The following NCAN variants were observed in gnomAD, a reference collection of about 807,000 sequenced individuals.
The protein encoded by NCAN is neurocan core protein.
A neutral mutation model predicts 121.8 loss-of-function variants in NCAN; 47 were observed. The ratio of observed to expected loss-of-function variants is 0.39; its 90% CI spans 0.31 to 0.49. NCAN has a LOEUF of 0.49. NCAN is among the 20% of genes least tolerant of loss of function. The pLI is 0.92. For missense variants in NCAN, 1,517 were observed against 1,773.4 expected (o/e 0.86, Z 2.60); for synonymous variants, 633 against 702.0 (o/e 0.90, Z 1.55).
chr19:19,213,648 G>C (rs2060784434), intron 1 of NCAN, among the ~76,000 whole-genome samples: 1 of 152,064 alleles, frequency 6.6e-6, no homozygotes, highest in Admixed American at 6.6e-5. Context: ...TCTGTGTCTG[G>C]GGTGCGTGGC....
chr19:19,245,292 C>A, intron 12 of NCAN, 21 bp from the exon 13 acceptor site: 1 of 1,612,942 alleles, frequency 6.2e-7, no homozygotes, highest in Non-Finnish European at 8.5e-7. Context: ...CTGAACAACT[C>A]CCTGCCCCCT....
chr19:19,227,409 C>A lies in NCAN; in HGVS notation c.1789C>A (p.Pro597Thr), dbSNP rs762403187. 2 of 1,613,692 alleles carry A rather than the reference C, an allele frequency of 1.2e-6. No individual in the cohort carries two copies. The change falls in exon 8 of 15, where the codon CCA becomes ACA. Residue 597 changes from proline to threonine, a missense_variant. Transcript: ENST00000252575. This position sits in a 1 kb window ranked among gnomAD's most constrained non-coding sequence, Gnocchi z 4.2. ...GAAAGCCGAGGGCCCCAGTGCCAGG[C>A]CAGCCACCCCAGACCTGTTTTGGTC... is the stretch of plus-strand genomic sequence containing the variant. ...LEKAEGPSAR[P>T]ATPDLFWSPL...
At chr19:19,229,533 C>T (rs1359126739) in intron 8 of NCAN, among the ~76,000 whole-genome samples, 1 of 152,178 alleles carries the variant, frequency 6.6e-6, no homozygotes, top group Non-Finnish European at 1.5e-5. Flanking sequence ...GAGAATCACC[C>T]CCATTCTACA....
chr19:19,213,010 G>A (rs1490855499), intron 1 of NCAN, among the ~76,000 whole-genome samples: 1 of 151,710 alleles, frequency 6.6e-6, no homozygotes, highest in Non-Finnish European at 1.5e-5. Flanking sequence ...TGGGAAGTAA[G>A]GGCCCTGTCT....
chr19:19,222,282 CTT>C (rs1025290793), intron 3 of NCAN, among the ~76,000 whole-genome samples: 4 of 152,042 alleles, frequency 2.6e-5, no homozygotes, highest in Admixed American at 6.6e-5. Context: ...CAGCCAAACT[CTT>C]TTTGTTGTTG....
intron 2 of NCAN, among the ~76,000 whole-genome samples, chr19:19,218,057 T>G (rs116953692): frequency 0.045 from 6,878 of 151,262 alleles, 241 homozygotes; most frequent in East Asian, 0.13. Context: ...GGTAGGTGGA[T>G]CAGTTGAGGT....
Position 19,223,981 on chromosome 19 carries a change from A to C in NCAN, c.476-40A>C, listed in dbSNP as rs1464062685. ...TAGGTCTGTTCTTGAAGATTCCAGC[A>C]TAAGTCAACTGTCCCCCCATCCTGG... On this transcript the variant is annotated intron_variant, in intron 3 of 14. Transcript: ENST00000252575. 3 of 1,491,312 alleles carry C rather than the reference A, an allele frequency of 2.0e-6. No individual in the cohort carries two copies. The South Asian group carries it at 4.2e-5, about 21-fold the overall frequency. The allele number at this position is 1,491,312 out of a possible 1,614,324, so 92.4% of individuals were successfully genotyped here. A position where few individuals can be genotyped will look rare whatever the true frequency, so the allele number is the denominator to read the frequency against.
chr19:19,218,976 G>T lies in NCAN; in HGVS notation c.135G>T (p.Gly45=), dbSNP rs762624056. The T allele has an allele frequency of 3.1e-5, 48 of 1,565,128 alleles. No individual in the cohort carries two copies. Among genetic ancestry groups the T allele is most frequent in the Non-Finnish European group, 4.1e-5 (47 of 1,152,950 alleles). The stretch of plus-strand genomic sequence containing the variant: ...TCCACATGCAGAAGCTGGGGTCTGG[G>T]TCAGTGCAGGCTGCGCTGGCGGAGC... ...RGLHMQKLGS[G]SVQAALAELV... The change falls in exon 3 of 15, where the codon GGG becomes GGT. Residue 45 remains glycine, a synonymous_variant. Coordinates refer to ENST00000252575, the MANE Select transcript of NCAN (RefSeq NM_004386.3).
Position 19,226,621 on chromosome 19 carries a change from A to C in NCAN, c.1208A>C (p.Asp403Ala), listed in dbSNP as rs772566689. 1.9e-6 allele frequency: 3 copies of C among 1,613,848 alleles called. No homozygotes were observed. Reference sequence around the variant, plus strand: ...GAGGAGGAAGAGGTGGTCACCCCTGACTTCCAGGAGCCTCTGGTGTCCAGT... The same window carrying C: ...GAGGAGGAAGAGGTGGTCACCCCTGCCTTCCAGGAGCCTCTGGTGTCCAGT... ...TLEEEEVVTP[D>A]FQEPLVSSGE... The change falls in exon 7 of 15, where the codon GAC becomes GCC. Residue 403 changes from aspartate to alanine, a missense_variant. Asp to Ala is a moderately radical substitution (Grantham distance 126). Transcript: ENST00000252575.
rs2060837958 is a variant in NCAN, at chr19:19,226,602, G to A, written c.1189G>A (p.Glu397Lys). ...VRELEPTLEE[E>K]EVVTPDFQEP... Reference sequence around the variant, plus strand: ...AGAACTGGAGCCCACCCTGGAGGAGGAAGAGGTGGTCACCCCTGACTTCCA... The same window carrying A: ...AGAACTGGAGCCCACCCTGGAGGAGAAAGAGGTGGTCACCCCTGACTTCCA... The change falls in exon 7 of 15, where the codon GAA (glutamate) becomes AAA (lysine). Residue 397 changes from glutamate (E) to lysine (K), a missense_variant. Coordinates refer to ENST00000252575, the MANE Select transcript of NCAN (RefSeq NM_004386.3). The A allele has an allele frequency of 4.3e-6, 7 of 1,613,936 alleles. No homozygotes were observed. In the African/African-American group the frequency reaches 6.7e-5, roughly 15 times the overall value.
intron 3 of NCAN, 51 bp downstream of exon 3, chr19:19,219,367 G>A (rs1311504018): frequency 1.4e-6 from 2 of 1,436,012 alleles, no homozygotes; most frequent in South Asian, 2.8e-5. Context: ...GGAGGGCTGA[G>A]CCTGGAGCCC....
intron 8 of NCAN, among the ~76,000 whole-genome samples, chr19:19,230,180 G>T (rs1173406300): frequency 6.6e-6 from 1 of 151,848 alleles, no homozygotes; most frequent in African/African-American, 2.4e-5. Flanking sequence ...GAGTAGCTGG[G>T]ATTACAGGCT....
intron 1 of NCAN, among the ~76,000 whole-genome samples, chr19:19,216,312 A>G (rs995339803): frequency 2.0e-5 from 3 of 147,650 alleles, no homozygotes; most frequent in Admixed American, 2.0e-4. Context: ...CCAAGCCCAG[A>G]TAATTTTTTT....
chr19:19,248,997 C>A, intron 14 of NCAN, 115 bp downstream of exon 14: 2 of 1,144,698 alleles, frequency 1.7e-6, no homozygotes, highest in Non-Finnish European at 2.5e-6. Context: ...GATAATACAG[C>A]CTTGCAGATA....
chr19:19,213,731 C>T (rs2060784976), intron 1 of NCAN, among the ~76,000 whole-genome samples: 2 of 152,120 alleles, frequency 1.3e-5, no homozygotes, highest in South Asian at 4.2e-4. Flanking sequence ...GCACCCTTGG[C>T]ACGGGGGTGT....
Position 19,226,567 on chromosome 19 carries a change from C to A in NCAN, c.1154C>A (p.Pro385His). The change falls in exon 7 of 15, where the codon CCC becomes CAC. Residue 385 changes from proline (P) to histidine (H), a missense_variant. Pro to His is a moderately conservative substitution (Grantham distance 77). Transcript: ENST00000252575. ...DEGEILSAEG[P>H]PVRELEPTLE... ...GGGGAGATTCTGTCAGCAGAGGGGC[C>A]CCCAGTTAGAGAACTGGAGCCCACC... The A allele has an allele frequency of 6.2e-7, 1 of 1,613,694 alleles. No individual in the cohort carries two copies.
chr19:19,245,921 T>C (rs887337477), intron 13 of NCAN, among the ~76,000 whole-genome samples: 1 of 152,176 alleles, frequency 6.6e-6, no homozygotes, highest in Non-Finnish European at 1.5e-5. Context: ...TGTGTTGTGA[T>C]GAAAAAGTTC....
At chr19:19,221,438 C>G (rs2060816415) in intron 3 of NCAN, among the ~76,000 whole-genome samples, 2 of 151,700 alleles carry the variant, frequency 1.3e-5, no homozygotes, top group South Asian at 4.2e-4. Flanking sequence ...CATGGTGGCA[C>G]ATTCCTGTAA....
At chr19:19,234,588 A>G (rs1205325344) in intron 9 of NCAN, among the ~76,000 whole-genome samples, 1 of 152,156 alleles carries the variant, frequency 6.6e-6, no homozygotes, top group African/African-American at 2.4e-5. Flanking sequence ...GTAGAAGAGG[A>G]GCTCAATGAA....
Sources: allele counts gnomAD v4.1 joint callset (sites outside exome capture counted in the v4.1 genomes callset), GRCh38; gene constraint gnomAD v4.1.1; non-coding constraint Gnocchi (gnomAD v3.1); transcripts MANE v1.5; gene names NCBI Gene and HGNC (gene_info 2026-07-23, HGNC 2026-07-21).